ZNF804A: variants seen among roughly 807,000 people sequenced by gnomAD.
ZNF804A encodes the protein zinc finger protein 804A.
ZNF804A carries 2 observed loss-of-function variants against 16.5 expected under a neutral mutation model. The observed-to-expected ratio is 0.12, with a 90% CI of 0.05 to 0.38. The LOEUF is 0.38. Among genes scored for constraint, ZNF804A ranks in the 10% least tolerant of loss-of-function variants. The pLI, the probability that ZNF804A is intolerant of heterozygous loss-of-function variation, is 0.99. For missense variants in ZNF804A, 1,473 were observed against 1,390.7 expected (o/e 1.06, Z -0.94); for synonymous variants, 534 against 489.6 (o/e 1.09, Z -1.20).
At chr2:184,699,887 A>T (rs1426580647) in intron 1 of ZNF804A, among the ~76,000 whole-genome samples, 1 of 152,074 alleles carries the variant, frequency 6.6e-6, no homozygotes, top group African/African-American at 2.4e-5. Flanking sequence ...GCCTAGAGCT[A>T]TGCAGTTACT....
intron 1 of ZNF804A, among the ~76,000 whole-genome samples, chr2:184,688,287 T>C (rs1449947376): frequency 3.3e-5 from 5 of 152,092 alleles, no homozygotes; most frequent in African/African-American, 1.2e-4. Context: ...GGCAGGATTT[T>C]TAGGCAAAAT....
chr2:184,702,293 G>A (rs1016532876), intron 1 of ZNF804A, among the ~76,000 whole-genome samples: 1 of 152,018 alleles, frequency 6.6e-6, no homozygotes, highest in East Asian at 1.9e-4. Context: ...CTGTTTAAAA[G>A]CTGTTACATG....
At chr2:184,606,551 G>A (rs1265242655) in intron 1 of ZNF804A, among the ~76,000 whole-genome samples, 1 of 152,142 alleles carries the variant, frequency 6.6e-6, no homozygotes, top group Non-Finnish European at 1.5e-5. Context: ...AAATTCTAAT[G>A]TAGGTATTGC....
At chr2:184,868,706 C>G (rs1695923379) in intron 2 of ZNF804A, among the ~76,000 whole-genome samples, 1 of 151,790 alleles carries the variant, frequency 6.6e-6, no homozygotes. Context: ...TTCCTAATGA[C>G]CTTCAGATTC....
At chr2:184,683,131 C>T (rs550600260) in intron 1 of ZNF804A, among the ~76,000 whole-genome samples, 2 of 152,196 alleles carry the variant, frequency 1.3e-5, no homozygotes, top group African/African-American at 4.8e-5. Flanking sequence ...TCTATTTTAT[C>T]TAATTTTCCT....
intron 1 of ZNF804A, among the ~76,000 whole-genome samples, chr2:184,717,871 A>T (rs1011958340): frequency 2.6e-5 from 4 of 152,190 alleles, no homozygotes; most frequent in African/African-American, 7.2e-5. Context: ...ATCATATCAA[A>T]TGGGGAAAAG....
chr2:184,887,310 A>G (rs1380485142), intron 2 of ZNF804A, among the ~76,000 whole-genome samples: 1 of 152,198 alleles, frequency 6.6e-6, no homozygotes, highest in Non-Finnish European at 1.5e-5. Flanking sequence ...ACATATTGCT[A>G]TCAGCATTTT....
At chr2:184,798,418 G>A (rs1694671592) in intron 1 of ZNF804A, among the ~76,000 whole-genome samples, 2 of 151,602 alleles carry the variant, frequency 1.3e-5, no homozygotes, top group Admixed American at 6.6e-5. Flanking sequence ...AAACTTCTTG[G>A]AGGCTTTGTT....
chr2:184,663,619 G>T (rs2105707869), intron 1 of ZNF804A, among the ~76,000 whole-genome samples: 1 of 152,228 alleles, frequency 6.6e-6, no homozygotes, highest in Non-Finnish European at 1.5e-5. Context: ...GAAGCAATGG[G>T]GGCCAGGCTG....
chr2:184,629,641 A>G (rs73043206), intron 1 of ZNF804A, among the ~76,000 whole-genome samples: 34 of 152,338 alleles, frequency 2.2e-4, no homozygotes, highest in African/African-American at 7.5e-4. Flanking sequence ...TTTGAGGTTG[A>G]TCATTATTGC....
At chr2:184,925,683 C>T (rs1431516432) in intron 2 of ZNF804A, among the ~76,000 whole-genome samples, 1 of 151,370 alleles carries the variant, frequency 6.6e-6, no homozygotes, top group Non-Finnish European at 1.5e-5. Flanking sequence ...GAATTAATTT[C>T]TTTATTTTTA....
At chr2:184,831,836 A>T (rs1284686428) in intron 1 of ZNF804A, among the ~76,000 whole-genome samples, 1 of 151,930 alleles carries the variant, frequency 6.6e-6, no homozygotes, top group Non-Finnish European at 1.5e-5. Context: ...TCCATTGAAA[A>T]TATTCCATCA....
chr2:184,863,226 G>T (rs1159463702), intron 1 of ZNF804A, among the ~76,000 whole-genome samples: 1 of 152,022 alleles, frequency 6.6e-6, no homozygotes, highest in Non-Finnish European at 1.5e-5. Context: ...TTTAAATATG[G>T]AGTGAACATT....
At position 184,690,797 on chromosome 2, in the gene ZNF804A, G is replaced by A. The variant is rs190660767; in HGVS notation, c.111+91727G>A. On this transcript the variant is annotated intron_variant, in intron 1 of 3. Coordinates refer to ENST00000302277, the MANE Select transcript of ZNF804A (RefSeq NM_194250.2). ...TCTCTTTGGAAATGTGTGTACTGTGGGTGGTTTAGAAAAATATCACTCTTG... is the reference window on the plus strand; with the variant it reads ...TCTCTTTGGAAATGTGTGTACTGTGAGTGGTTTAGAAAAATATCACTCTTG... Among the ~76,000 whole-genome samples, 347 of 151,954 alleles carry A rather than the reference G, an allele frequency of 2.3e-3. 3 individuals are homozygous for A. Among genetic ancestry groups the A allele is most frequent in the African/African-American group, 6.9e-3 (285 of 41,486 alleles).
At chr2:184,929,569 C>T (rs1685663943) in intron 2 of ZNF804A, among the ~76,000 whole-genome samples, 1 of 151,876 alleles carries the variant, frequency 6.6e-6, no homozygotes, top group Non-Finnish European at 1.5e-5. Flanking sequence ...TAAAGTCTAT[C>T]TTTTTGGTTT....
chr2:184,644,269 T>A (rs1361819214), intron 1 of ZNF804A, among the ~76,000 whole-genome samples: 2 of 151,690 alleles, frequency 1.3e-5, no homozygotes, highest in African/African-American at 2.4e-5. Context: ...ATCTGTTACA[T>A]GGCATTGAAG....
chr2:184,637,640 C>T (rs1691722285), intron 1 of ZNF804A, among the ~76,000 whole-genome samples: 2 of 149,818 alleles, frequency 1.3e-5, no homozygotes, highest in Non-Finnish European at 3.0e-5. Context: ...CATTTCTACT[C>T]AGAGTTAATA....
intron 1 of ZNF804A, among the ~76,000 whole-genome samples, chr2:184,603,844 A>C (rs1341120563): frequency 6.6e-6 from 1 of 152,066 alleles, no homozygotes; most frequent in Non-Finnish European, 1.5e-5. Context: ...AATTTTCTGA[A>C]CTTAAGGTGT....
chr2:184,935,410 T>C (rs1038514438), intron 3 of ZNF804A, among the ~76,000 whole-genome samples: 3 of 152,180 alleles, frequency 2.0e-5, no homozygotes, highest in African/African-American at 7.2e-5. Flanking sequence ...ATAGCATCAA[T>C]GATATTAAGT....
Sources: gnomAD v4.1 joint callset for allele counts (sites outside exome capture counted in the v4.1 genomes callset) on GRCh38, gnomAD v4.1.1 for gene constraint, MANE v1.5 for transcripts, NCBI Gene and HGNC (gene_info 2026-07-23, HGNC 2026-07-21) for gene names.